Variants in TSPAN15 observed in about 807,000 individuals in gnomAD.
TSPAN15 encodes the protein tetraspanin 15, also known as tetraspanin-15.
Under a neutral mutation model 34.5 loss-of-function variants are expected in TSPAN15, and 20 were observed. The ratio of observed to expected loss-of-function variants is 0.58; its 90% CI spans 0.41 to 0.84. TSPAN15 has a LOEUF of 0.84. TSPAN15 is among the 40% of genes least tolerant of loss of function. The pLI is 0.00. For synonymous variants in TSPAN15, 155 were observed against 153.9 expected, an observed-to-expected ratio of 1.01 and a Z score of -0.05; for missense variants, 313 against 386.1, an observed-to-expected ratio of 0.81 and a Z score of 1.59.
intron 3 of TSPAN15, among the ~76,000 whole-genome samples, chr10:69,494,272 C>T (rs973881301): frequency 2.6e-5 from 4 of 152,194 alleles, no homozygotes; most frequent in Admixed American, 2.0e-4. Flanking sequence ...TTGTTTTCCA[C>T]CAATGACGTG....
At chr10:69,535,910 T>G in the TSPAN15 span, among the ~76,000 whole-genome samples, 2 of 152,240 alleles carry the variant, frequency 1.3e-5, no homozygotes, top group African/African-American at 2.4e-5. Context: ...TCTCTCCCAC[T>G]GTCCCAGGGG....
chr10:69,500,914 A>AAGAC (rs1842192068), intron 5 of TSPAN15, among the ~76,000 whole-genome samples: 1 of 152,134 alleles, frequency 6.6e-6, no homozygotes, highest in Admixed American at 6.5e-5. Context: ...CAGGGAGGGG[A>AAGAC]AGACAGATGC....
At chr10:69,484,111 A>G (rs1206941911) in intron 2 of TSPAN15, 3 of 439,944 alleles carry the variant, frequency 6.8e-6, no homozygotes, top group Admixed American at 7.4e-5. Context: ...GTTCATCTGG[A>G]TGCTCAGTTG....
the TSPAN15 span, among the ~76,000 whole-genome samples, chr10:69,521,508 G>A: frequency 2.3e-4 from 34 of 147,944 alleles, 2 homozygotes; most frequent in African/African-American, 6.4e-4. Flanking sequence ...TTAGCCAGGC[G>A]TGGTTGCAGT....
chr10:69,481,264 T>C (rs1056031995), intron 1 of TSPAN15, among the ~76,000 whole-genome samples: 6 of 152,214 alleles, frequency 3.9e-5, no homozygotes, highest in Admixed American at 2.0e-4. Flanking sequence ...CTTGTCAGTG[T>C]CTTGAGTCCC....
chr10:69,544,058 T>G, the TSPAN15 span, among the ~76,000 whole-genome samples: 2 of 151,952 alleles, frequency 1.3e-5, no homozygotes, highest in African/African-American at 4.8e-5. Flanking sequence ...CCCTGAGAGC[T>G]CCAGGCAATC....
chr10:69,492,591 G>A (rs1010501241), intron 3 of TSPAN15, among the ~76,000 whole-genome samples: 4 of 152,186 alleles, frequency 2.6e-5, no homozygotes, highest in South Asian at 2.1e-4. Context: ...ATGAAAGGCC[G>A]AATTTTTCCA....
intron 1 of TSPAN15, among the ~76,000 whole-genome samples, chr10:69,480,304 C>T (rs1841705640): frequency 6.6e-6 from 1 of 151,886 alleles, no homozygotes; most frequent in Non-Finnish European, 1.5e-5. Flanking sequence ...GGAAGGATGT[C>T]AGCTGTCCCC....
chr10:69,474,449 G>A (rs1019740011), intron 1 of TSPAN15, among the ~76,000 whole-genome samples: 7 of 152,124 alleles, frequency 4.6e-5, no homozygotes, highest in Non-Finnish European at 1.0e-4. Flanking sequence ...CTGTTGTATA[G>A]GACAAAGACC....
downstream of TSPAN15, among the ~76,000 whole-genome samples, chr10:69,510,521 A>G (rs1387250292): frequency 6.6e-6 from 1 of 152,214 alleles, no homozygotes; most frequent in Non-Finnish European, 1.5e-5. Context: ...TCATCTGCAA[A>G]CAGAGACAAT....
At chr10:69,519,450 C>G in the TSPAN15 span, among the ~76,000 whole-genome samples, 2 of 151,642 alleles carry the variant, frequency 1.3e-5, no homozygotes, top group Non-Finnish European at 2.9e-5. Flanking sequence ...TTATGGATGT[C>G]TATAAGAAGA....
the TSPAN15 span, among the ~76,000 whole-genome samples, chr10:69,536,294 A>G: frequency 6.6e-6 from 1 of 152,286 alleles, no homozygotes; most frequent in East Asian, 1.9e-4. Context: ...TTTGACCAGT[A>G]TTATATTGTC....
the TSPAN15 span, among the ~76,000 whole-genome samples, chr10:69,533,745 A>G: frequency 1.3e-5 from 2 of 152,234 alleles, no homozygotes; most frequent in African/African-American, 4.8e-5. Context: ...TCAGTTGGTC[A>G]GAAGCACAGG....
At chr10:69,482,731 G>A (rs1841761300) in intron 1 of TSPAN15, among the ~76,000 whole-genome samples, 1 of 151,994 alleles carries the variant, frequency 6.6e-6, no homozygotes, top group Non-Finnish European at 1.5e-5. Flanking sequence ...CCAAGGCCCA[G>A]GGTTAGCAAG....
chr10:69,530,855 T>C, the TSPAN15 span, among the ~76,000 whole-genome samples: 1 of 109,376 alleles, frequency 9.1e-6, no homozygotes, highest in Non-Finnish European at 1.9e-5. Context: ...TATATATATA[T>C]ATATGCAAAC....
chr10:69,528,618 T>C, the TSPAN15 span, among the ~76,000 whole-genome samples: 10 of 148,246 alleles, frequency 6.7e-5, no homozygotes, highest in Non-Finnish European at 1.5e-4. Context: ...CCAGGAAGAA[T>C]GAGATATGCA....
intron 1 of TSPAN15, among the ~76,000 whole-genome samples, chr10:69,482,002 C>T (rs1200649960): frequency 6.6e-6 from 1 of 150,682 alleles, no homozygotes; most frequent in Non-Finnish European, 1.5e-5. Flanking sequence ...TGTCTTGGTG[C>T]TGGGGATGTC....
rs1842331735 is a variant in TSPAN15 at position 69,506,596 on chromosome 10, G to A, written c.736-233G>A. Among the ~76,000 whole-genome samples, 1 of 152,198 alleles carries A rather than the reference G, an allele frequency of 6.6e-6. No individual in the cohort carries two copies. Among genetic ancestry groups the A allele is most frequent in the African/African-American group, 2.4e-5 (1 of 41,458 alleles). ...ATCCCAGAAGGGAGGGGCCCTTGCTGATGGGGCACAGCGAGGCGCTCTGGG... is the reference window on the plus strand; with the variant it reads ...ATCCCAGAAGGGAGGGGCCCTTGCTAATGGGGCACAGCGAGGCGCTCTGGG... On this transcript the variant is annotated intron_variant, in intron 7 of 7. Coordinates refer to ENST00000373290, the MANE Select transcript of TSPAN15 (RefSeq NM_012339.5). The surrounding 1 kb of genome is among the most constrained non-coding windows in gnomAD (Gnocchi z 4.7).
rs1207051672 is a variant in TSPAN15 at position 69,502,050 on chromosome 10, C to CCACT, written c.571-2387_571-2384dup. ...TCTCTGGTGCCAGAAAGGTTGGAGA[C>CCACT]CACTGGCTTAGAGTTTCCTGGCAAC... On this transcript the variant is annotated intron_variant, in intron 5 of 7. Coordinates refer to ENST00000373290, the MANE Select transcript of TSPAN15 (RefSeq NM_012339.5). Among the ~76,000 whole-genome samples, 11 of 148,080 alleles carry CCACT rather than the reference C, an allele frequency of 7.4e-5. No individual in the cohort carries two copies. The South Asian group carries it at 1.3e-3, about 17-fold the overall frequency.
Sources: gnomAD v4.1 joint callset for allele counts (sites outside exome capture counted in the v4.1 genomes callset) on GRCh38, gnomAD v4.1.1 for gene constraint, Gnocchi (gnomAD v3.1) non-coding constraint, MANE v1.5 for transcripts, NCBI Gene and HGNC (gene_info 2026-07-23, HGNC 2026-07-21) for gene names.